The following BTAF1 variants were observed in gnomAD, a reference collection of about 807,000 sequenced individuals.
The protein encoded by BTAF1 is TATA-binding protein-associated factor 172.
BTAF1 carries 38 observed loss-of-function variants against 227.1 expected under a neutral mutation model. That is an observed-to-expected ratio of 0.17 (90% confidence interval 0.13 to 0.22). BTAF1 has a LOEUF of 0.22. Among genes scored for constraint, BTAF1 ranks in the 10% least tolerant of loss-of-function variants. The pLI is 1.00. For missense variants in BTAF1, 1,598 were observed against 2,204.0 expected (o/e 0.73, Z 5.51); for synonymous variants, 742 against 751.9 (o/e 0.99, Z 0.21).
intron 8 of BTAF1, among the ~76,000 whole-genome samples, chr10:91,957,669 T>G (rs939069782): frequency 6.6e-6 from 1 of 152,208 alleles, no homozygotes; most frequent in African/African-American, 2.4e-5. Context: ...TCTTGAACAG[T>G]TCCCAATGTG....
At chr10:91,938,797 A>G (rs1192978908) in intron 2 of BTAF1, among the ~76,000 whole-genome samples, 1 of 152,182 alleles carries the variant, frequency 6.6e-6, no homozygotes, top group African/African-American at 2.4e-5. Context: ...GCAGTGTGCT[A>G]TGATTGCACC....
chr10:92,012,081 CCCT>C, intron 30 of BTAF1, among the ~76,000 whole-genome samples: 1 of 114,742 alleles, frequency 8.7e-6, no homozygotes, highest in South Asian at 3.7e-4. Flanking sequence ...CTCCCTCCTT[CCCT>C]CCCTCCCTCC....
intron 1 of BTAF1, among the ~76,000 whole-genome samples, chr10:91,934,559 A>G (rs1250228365): frequency 2.0e-5 from 3 of 152,136 alleles, no homozygotes; most frequent in Admixed American, 6.6e-5. Flanking sequence ...TACTTCATGT[A>G]TCACACTGCT....
intron 25 of BTAF1, among the ~76,000 whole-genome samples, chr10:91,998,916 T>C (rs538859354): frequency 2.8e-4 from 42 of 152,004 alleles, no homozygotes; most frequent in African/African-American, 9.4e-4. Context: ...TACAAAAATT[T>C]GTGGGGCGTG....
At chr10:91,937,202 C>T (rs1434724130) in intron 2 of BTAF1, among the ~76,000 whole-genome samples, 3 of 151,920 alleles carry the variant, frequency 2.0e-5, no homozygotes, top group African/African-American at 7.3e-5. Context: ...ACCATGTTGG[C>T]TAGGATGGTC....
At chr10:92,002,872 A>C (rs1849641172) in intron 25 of BTAF1, among the ~76,000 whole-genome samples, 1 of 152,158 alleles carries the variant, frequency 6.6e-6, no homozygotes, top group African/African-American at 2.4e-5. Flanking sequence ...TTAATAAAAA[A>C]AATGTGGCTG....
Position 92,009,245 on chromosome 10 carries a change from G to C in BTAF1, c.4103+37G>C, listed in dbSNP as rs766351590. On this transcript the variant is annotated intron_variant, in intron 28 of 37. Transcript: ENST00000265990. Reference sequence around the variant, plus strand: ...ATGACAATAACAAAATATTTCATCTGTTGTCATAATTAAGATAAGGAACAG... The same window carrying C: ...ATGACAATAACAAAATATTTCATCTCTTGTCATAATTAAGATAAGGAACAG... The C allele has an allele frequency of 1.8e-5, 29 of 1,584,942 alleles. 1 individual carries two copies. The Admixed American group carries it at 5.0e-4, about 27-fold the overall frequency.
In BTAF1 at chr10:92,029,016, C is replaced by A; in HGVS notation, c.*83C>A. 1 of 1,290,448 alleles carries A rather than the reference C, an allele frequency of 7.7e-7. No homozygotes were observed. The highest frequency in any genetic ancestry group is 1.1e-6 in the Non-Finnish European group (1 of 942,960). The allele number at this position is 1,290,448 out of a possible 1,614,324, so 79.9% of individuals were successfully genotyped here. On this transcript the variant is annotated 3_prime_UTR_variant, in exon 38 of 38. Coordinates refer to ENST00000265990, the MANE Select transcript of BTAF1 (RefSeq NM_003972.3). ...AGCAAATTTCTAAGTTTATGGTGAA[C>A]TTTTAACTCAATGTGTAAATAGATC...
Position 91,929,072 on chromosome 10 carries a change from T to G in BTAF1, c.14+4982T>G, listed in dbSNP as rs575187210. Among the ~76,000 whole-genome samples the G allele has an allele frequency of 3.3e-5, 5 of 152,244 alleles. No individual in the cohort carries two copies. The South Asian group carries it at 1.0e-3, about 32-fold the overall frequency. On this transcript the variant is annotated intron_variant, in intron 1 of 37. Transcript: ENST00000265990. Reference sequence around the variant, plus strand: ...CCAGTGATCCACGTGGCTTTGCCCCTAAAGTGCTGGGATTACTGGTGTGAG... The same window carrying G: ...CCAGTGATCCACGTGGCTTTGCCCCGAAAGTGCTGGGATTACTGGTGTGAG...
At position 91,962,558 on chromosome 10, in the gene BTAF1, G is replaced by A. The variant is rs1352318598; in HGVS notation, c.1284G>A (p.Leu428=). The A allele has an allele frequency of 1.3e-6, 2 of 1,561,962 alleles. No homozygotes were observed. The highest frequency in any genetic ancestry group is 2.3e-5 in the East Asian group (1 of 44,410). ...AVRQDVINTL[L]PKVLTRIIEG... is the part of the protein sequence containing the mutation. ...TACAGGATGTAATTAATACTTTATT[G>A]CCTAAAGTTTTAACTAGAATAATTG... The change falls in exon 12 of 38, where the codon TTG becomes TTA. Residue 428 remains leucine, a synonymous_variant. Transcript: ENST00000265990.
chr10:91,978,633 C>G (rs1308676126), intron 14 of BTAF1, among the ~76,000 whole-genome samples: 1 of 151,970 alleles, frequency 6.6e-6, no homozygotes, highest in African/African-American at 2.4e-5. Context: ...CTCTTAAAAA[C>G]ACTGTATTTA....
intron 22 of BTAF1, 48 bp from the exon 23 acceptor site, chr10:91,994,487 A>G (rs376019679): frequency 1.2e-5 from 18 of 1,453,258 alleles, no homozygotes; most frequent in Middle Eastern, 3.5e-4. Context: ...TGTGCTCTAG[A>G]TTTTGAAAAA....
intron 30 of BTAF1, among the ~76,000 whole-genome samples, chr10:92,013,322 A>T (rs1225961612): frequency 6.6e-6 from 1 of 152,216 alleles, no homozygotes; most frequent in Non-Finnish European, 1.5e-5. Flanking sequence ...GATATTGGCC[A>T]CATTCCTTAA....
intron 14 of BTAF1, among the ~76,000 whole-genome samples, chr10:91,980,071 A>G (rs1847961929): frequency 6.6e-6 from 1 of 152,166 alleles, no homozygotes; most frequent in Admixed American, 6.6e-5. Context: ...CTGATCATCT[A>G]GCACAACAGC....
intron 14 of BTAF1, among the ~76,000 whole-genome samples, chr10:91,975,546 A>G (rs1478343649): frequency 1.3e-5 from 2 of 152,350 alleles, no homozygotes; most frequent in East Asian, 3.9e-4. Context: ...GCTGTGGATC[A>G]CAATAGGGTT....
Position 91,989,263 on chromosome 10 carries a change from A to G in BTAF1, c.2537A>G (p.Asn846Ser). The change falls in exon 20 of 38, where the codon AAC becomes AGC. Residue 846 changes from asparagine to serine, a missense_variant. Transcript: ENST00000265990. ...QQVQMTVTET[N>S]QEWQVLQLRV... The stretch of plus-strand genomic sequence containing the variant: ...GTCCAAATGACAGTTACAGAGACCA[A>G]CCAGGAGTGGCAAGTGTTGCAGTTG... 1 of 1,614,210 alleles carries G rather than the reference A, an allele frequency of 6.2e-7. No homozygotes were observed. Among genetic ancestry groups the G allele is most frequent in the Non-Finnish European group, 8.5e-7 (1 of 1,180,042 alleles).
chr10:91,956,661 C>T lies in BTAF1; in HGVS notation c.831+4C>T. 6.2e-7 allele frequency: 1 copy of T among 1,608,652 alleles called. No homozygotes were observed. The highest frequency in any genetic ancestry group is 8.5e-7 in the Non-Finnish European group (1 of 1,178,660). ...CAGCTCTTCCTTAATTGAAGAGGTA[C>T]TCTTGAAAGACTCTAAAGTATCCAT... On this transcript the variant is annotated splice_donor_region_variant and intron_variant, in intron 7 of 37. Transcript: ENST00000265990.
At chr10:91,981,466 G>T (rs1316936679) in intron 15 of BTAF1, among the ~76,000 whole-genome samples, 177 bp from the exon 16 acceptor site, 3 of 149,688 alleles carry the variant, frequency 2.0e-5, no homozygotes, top group Non-Finnish European at 4.4e-5. Flanking sequence ...TTTTTTTTTA[G>T]TGCACAAACC....
In BTAF1 at chr10:91,959,147, T is replaced by C. The variant is rs1013936813; in HGVS notation, c.983T>C (p.Leu328Ser). The change falls in exon 9 of 38, where the codon TTA becomes TCA. Residue 328 changes from leucine to serine, a missense_variant. This residue lies in a region of BTAF1 where 298 missense variants were observed against 395.2 expected (regional missense o/e 0.75). Transcript: ENST00000265990. ...KSGGKMGDSTLEEMIQQHQEW... is the reference protein window; with the variant it reads ...KSGGKMGDSTSEEMIQQHQEW... ...GGTGGTAAAATGGGTGACAGCACTT[T>C]AGAAGAGGTAAGTGTATTAATGCAA... The C allele has an allele frequency of 1.2e-6, 2 of 1,613,980 alleles. No homozygotes were observed. The highest frequency in any genetic ancestry group is 2.7e-5 in the African/African-American group (2 of 74,940).
Sources: allele counts gnomAD v4.1 joint callset (sites outside exome capture counted in the v4.1 genomes callset), GRCh38; gene constraint gnomAD v4.1.1; regional missense constraint gnomAD v4.1.1; transcripts MANE v1.5; gene names NCBI Gene and HGNC (gene_info 2026-07-23, HGNC 2026-07-21).